ZNF385D: variants seen among roughly 807,000 people sequenced by gnomAD.
The protein encoded by ZNF385D is zinc finger protein 385D, also known as zinc finger protein 659.
ZNF385D carries 15 observed loss-of-function variants against 35.8 expected under a neutral mutation model. The observed-to-expected ratio is 0.42, with a 90% CI of 0.28 to 0.64. ZNF385D has a LOEUF of 0.64. Among genes scored for constraint, ZNF385D ranks in the 30% least tolerant of loss-of-function variants. The pLI is 0.23. For synonymous variants in ZNF385D, 212 were observed against 186.8 expected (o/e 1.13, Z -1.10); for missense variants, 474 against 494.6 (o/e 0.96, Z 0.39).
At chr3:21,706,706 T>A (rs1431912779) in intron 1 of ZNF385D, among the ~76,000 whole-genome samples, 1 of 152,050 alleles carries the variant, frequency 6.6e-6, no homozygotes, top group East Asian at 1.9e-4. Context: ...ATGCATTACT[T>A]TGCATGCACC....
At chr3:22,302,538 A>G (rs1243065690) in intron 2 of ZNF385D, among the ~76,000 whole-genome samples, 1 of 152,042 alleles carries the variant, frequency 6.6e-6, no homozygotes, top group Non-Finnish European at 1.5e-5. Flanking sequence ...GTACAGTATT[A>G]TAACACTTAC....
At chr3:21,570,129 C>G (rs1449198281) in intron 2 of ZNF385D, among the ~76,000 whole-genome samples, 1 of 151,396 alleles carries the variant, frequency 6.6e-6, no homozygotes, top group Non-Finnish European at 1.5e-5. Context: ...ACTACCCAAA[C>G]AAAAATGAAG....
At chr3:22,320,648 G>A (rs997846472) in intron 2 of ZNF385D, among the ~76,000 whole-genome samples, 3 of 149,106 alleles carry the variant, frequency 2.0e-5, no homozygotes, top group Non-Finnish European at 4.4e-5. Context: ...TTAAATACCA[G>A]AATTCTATCA....
At chr3:21,959,659 C>T (rs556884114) in intron 3 of ZNF385D, among the ~76,000 whole-genome samples, 26 of 152,292 alleles carry the variant, frequency 1.7e-4, no homozygotes, top group Middle Eastern at 3.4e-3. Flanking sequence ...GAAGATGGGG[C>T]TAGCCCCATG....
intron 2 of ZNF385D, among the ~76,000 whole-genome samples, chr3:22,353,363 G>T (rs1027542942): frequency 4.6e-5 from 7 of 152,164 alleles, no homozygotes; most frequent in Non-Finnish European, 8.8e-5. Context: ...GCATCAGGTT[G>T]TCATCCAGGT....
At chr3:21,763,409 G>T (rs28432223) in intron 3 of ZNF385D, among the ~76,000 whole-genome samples, 14,273 of 152,152 alleles carry the variant, frequency 0.094, 975 homozygotes, top group East Asian at 0.33. Context: ...TTTCTATAAA[G>T]TGAAAAGTTT....
intron 2 of ZNF385D, among the ~76,000 whole-genome samples, chr3:21,599,183 A>C (rs935666060): frequency 2.6e-5 from 4 of 152,210 alleles, no homozygotes; most frequent in African/African-American, 9.6e-5. Context: ...CGGCAAACAG[A>C]GGGGAAGCCA....
At chr3:21,742,347 T>C (rs763836323) in intron 1 of ZNF385D, among the ~76,000 whole-genome samples, 1 of 152,208 alleles carries the variant, frequency 6.6e-6, no homozygotes, top group African/African-American at 2.4e-5. Flanking sequence ...TAAGTGTATC[T>C]TCCCCAACCA....
Position 21,979,457 on chromosome 3 carries a change from A to C in ZNF385D, c.325+189360T>G, listed in dbSNP as rs147447014. Among the ~76,000 whole-genome samples, 1,133 of 152,304 alleles carry C rather than the reference A, an allele frequency of 7.4e-3. 8 individuals are homozygous for C. Among genetic ancestry groups the C allele is most frequent in the Non-Finnish European group, 0.013 (905 of 68,024 alleles). On this transcript the variant is annotated intron_variant, in intron 3 of 5. Transcript: ENST00000494108. ...TAGTTAGCCACTAAGCTGAAACCAC[A>C]ACTCAGTTACGCTGGCTCACAATAA...
At chr3:22,348,549 A>G (rs1349819583) in intron 2 of ZNF385D, among the ~76,000 whole-genome samples, 1 of 151,142 alleles carries the variant, frequency 6.6e-6, no homozygotes, top group Non-Finnish European at 1.5e-5. Context: ...CTGTAATCCC[A>G]GCTACTCCAG....
chr3:21,527,831 T>G (rs1240205344), intron 3 of ZNF385D, among the ~76,000 whole-genome samples: 1 of 152,182 alleles, frequency 6.6e-6, no homozygotes, highest in East Asian at 1.9e-4. Context: ...TGTGTTAACA[T>G]AACTAATACA....
At chr3:21,650,882 G>A (rs930581374) in intron 2 of ZNF385D, among the ~76,000 whole-genome samples, 1 of 152,102 alleles carries the variant, frequency 6.6e-6, no homozygotes, top group African/African-American at 2.4e-5. Flanking sequence ...GTTTTTTGCT[G>A]TTGTTGATAT....
intron 3 of ZNF385D, among the ~76,000 whole-genome samples, chr3:21,547,264 A>G (rs1359344565): frequency 6.6e-6 from 1 of 152,086 alleles, no homozygotes; most frequent in African/African-American, 2.4e-5. Context: ...CAGAAGCCCA[A>G]CCTGCCAGCA....
chr3:21,995,413 C>G (rs73135380), intron 3 of ZNF385D, among the ~76,000 whole-genome samples: 5,271 of 152,124 alleles, frequency 0.035, 305 homozygotes, highest in African/African-American at 0.12. Flanking sequence ...GTGAGTGAGG[C>G]TAGTTTATCC....
intron 2 of ZNF385D, among the ~76,000 whole-genome samples, chr3:21,628,967 T>A (rs565415756): frequency 1.6e-3 from 241 of 152,186 alleles, no homozygotes; most frequent in Non-Finnish European, 3.0e-3. Flanking sequence ...GCCTGGGAAA[T>A]GACTATTAAG....
intron 1 of ZNF385D, among the ~76,000 whole-genome samples, chr3:21,730,548 T>G (rs537329069): frequency 3.3e-5 from 5 of 152,298 alleles, no homozygotes; most frequent in African/African-American, 1.2e-4. Context: ...ATCTACTAAG[T>G]GTCAGGCACT....
At chr3:22,305,600 G>A (rs887233780) in intron 2 of ZNF385D, among the ~76,000 whole-genome samples, 2 of 152,106 alleles carry the variant, frequency 1.3e-5, no homozygotes, top group African/African-American at 4.8e-5. Flanking sequence ...AAAGAGTATG[G>A]TGAATGACCA....
intron 3 of ZNF385D, among the ~76,000 whole-genome samples, chr3:21,932,407 G>C (rs1211850699): frequency 6.7e-6 from 1 of 150,326 alleles, no homozygotes; most frequent in Non-Finnish European, 1.5e-5. Flanking sequence ...TTAATATGGG[G>C]ATAGATTTTT....
At chr3:21,869,194 A>T (rs1449270507) in intron 3 of ZNF385D, among the ~76,000 whole-genome samples, 1 of 152,134 alleles carries the variant, frequency 6.6e-6, no homozygotes, top group African/African-American at 2.4e-5. Context: ...TTATCATTTC[A>T]TTTAAAAACT....
Sources: allele counts gnomAD v4.1 joint callset (sites outside exome capture counted in the v4.1 genomes callset), GRCh38; gene constraint gnomAD v4.1.1; transcripts MANE v1.5; gene names NCBI Gene and HGNC (gene_info 2026-07-23, HGNC 2026-07-21).